Variants in FARS2 observed in about 807,000 individuals in gnomAD.
FARS2 encodes the protein phenylalanine--tRNA ligase, mitochondrial.
Under a neutral mutation model 46.4 loss-of-function variants are expected in FARS2, and 40 were observed. The ratio of observed to expected loss-of-function variants is 0.86; its 90% CI spans 0.67 to 1.12. The LOEUF (loss-of-function observed/expected upper bound fraction) is 1.12, where lower values mean the gene tolerates loss of function less well. Among genes scored for constraint, FARS2 ranks in the 50% most tolerant of loss-of-function variants. The pLI is 0.00. For missense variants in FARS2, 513 were observed against 567.9 expected, an observed-to-expected ratio of 0.90 and a Z score of 0.98; for synonymous variants, 234 against 214.9, an observed-to-expected ratio of 1.09 and a Z score of -0.78.
intron 4 of FARS2, among the ~76,000 whole-genome samples, chr6:5,458,981 C>T (rs895629962): frequency 6.6e-6 from 1 of 152,146 alleles, no homozygotes; most frequent in African/African-American, 2.4e-5. Context: ...AGATGCATTC[C>T]ATTAAAATTA....
At chr6:5,615,481 C>G (rs1026864479) in intron 6 of FARS2, among the ~76,000 whole-genome samples, 6 of 152,186 alleles carry the variant, frequency 3.9e-5, no homozygotes, top group Non-Finnish European at 8.8e-5. Flanking sequence ...CATCTCTTCT[C>G]TGAGTTATTT....
At chr6:5,582,001 T>G (rs1773361523) in intron 5 of FARS2, among the ~76,000 whole-genome samples, 1 of 71,106 alleles carries the variant, frequency 1.4e-5, no homozygotes, top group Non-Finnish European at 3.1e-5. Context: ...GGTTAATTCC[T>G]GATGCGCTTT....
At chr6:5,600,277 G>T (rs1238976240) in intron 5 of FARS2, among the ~76,000 whole-genome samples, 2 of 152,066 alleles carry the variant, frequency 1.3e-5, no homozygotes, top group East Asian at 3.9e-4. Context: ...TACAAATATG[G>T]GAAACATTAC....
chr6:5,767,256 A>G (rs1762801367), intron 6 of FARS2, among the ~76,000 whole-genome samples: 3 of 152,014 alleles, frequency 2.0e-5, no homozygotes, highest in Non-Finnish European at 1.5e-5. Flanking sequence ...GGGTTTCACC[A>G]TGTTGGCCAG....
chr6:5,445,966 G>A lies in FARS2; in HGVS notation c.904+14794G>A, dbSNP rs914994728. 3.9e-5 allele frequency among the ~76,000 whole-genome samples: 6 copies of A among 152,138 alleles called. No homozygotes were observed. In the East Asian group the frequency reaches 7.7e-4, roughly 20 times the overall value. ...TGTAATCCCAGCACTTGGGGAGGCC[G>A]AGGCAGGCAGATCACGAGGTCAGGA... On this transcript the variant is annotated intron_variant, in intron 4 of 6. Coordinates refer to ENST00000274680, the MANE Select transcript of FARS2 (RefSeq NM_006567.5).
chr6:5,380,468 T>G (rs1429816056), intron 2 of FARS2, among the ~76,000 whole-genome samples: 2 of 152,218 alleles, frequency 1.3e-5, no homozygotes, highest in Admixed American at 6.5e-5. Context: ...TGCTAGGAAC[T>G]GCATTTCTCT....
intron 1 of FARS2, among the ~76,000 whole-genome samples, chr6:5,287,035 G>A (rs1339171402): frequency 6.6e-6 from 1 of 152,226 alleles, no homozygotes; most frequent in Non-Finnish European, 1.5e-5. Context: ...ATTGCCCCGT[G>A]GCTTGGCTCT....
At chr6:5,645,443 A>C (rs1261777110) in intron 6 of FARS2, among the ~76,000 whole-genome samples, 1 of 152,222 alleles carries the variant, frequency 6.6e-6, no homozygotes, top group Non-Finnish European at 1.5e-5. Flanking sequence ...GGGATGAGGG[A>C]CGAGTGCCAA....
At position 5,546,529 on chromosome 6, in the gene FARS2, A is replaced by G. The variant is rs2326641; in HGVS notation, c.1065+1189A>G. Among the ~76,000 whole-genome samples the G allele has an allele frequency of 4.6e-5, 7 of 150,996 alleles. No individual in the cohort carries two copies. In the East Asian group the frequency reaches 5.9e-4, roughly 13 times the overall value. Reference sequence around the variant, plus strand: ...CCTCCCGAAGTGCTGGGATTACAGGAGTGAGCCACTGCGCCCAGCCCTCAT... The same window carrying G: ...CCTCCCGAAGTGCTGGGATTACAGGGGTGAGCCACTGCGCCCAGCCCTCAT... On this transcript the variant is annotated intron_variant, in intron 5 of 6. Transcript: ENST00000274680.
intron 4 of FARS2, among the ~76,000 whole-genome samples, chr6:5,467,855 A>G (rs1478847901): frequency 6.6e-6 from 1 of 152,138 alleles, no homozygotes; most frequent in Non-Finnish European, 1.5e-5. Flanking sequence ...ATGATTATAG[A>G]TGCTCATTAC....
In FARS2 at chr6:5,582,680, G is replaced by C. The variant is rs150220132; in HGVS notation, c.1066-30489G>C. ...AACTCTAAGTTTGTGTGTATATACTGATGTAAAACTCTCCATGGCTCCATG... is the reference window on the plus strand; with the variant it reads ...AACTCTAAGTTTGTGTGTATATACTCATGTAAAACTCTCCATGGCTCCATG... On this transcript the variant is annotated intron_variant, in intron 5 of 6. Transcript: ENST00000274680. 7.4e-4 allele frequency among the ~76,000 whole-genome samples: 113 copies of C among 152,328 alleles called. 1 individual carries two copies. The highest frequency in any genetic ancestry group is 2.7e-3 in the African/African-American group (111 of 41,578).
chr6:5,287,513 C>T (rs1050419295), intron 1 of FARS2, among the ~76,000 whole-genome samples: 1 of 152,142 alleles, frequency 6.6e-6, no homozygotes, highest in African/African-American at 2.4e-5. Context: ...TCTCCCGTGT[C>T]CCTGAAATTA....
chr6:5,453,547 T>C (rs561249690), intron 4 of FARS2, among the ~76,000 whole-genome samples: 2 of 152,368 alleles, frequency 1.3e-5, no homozygotes, highest in East Asian at 3.9e-4. Flanking sequence ...CTTTCTGACA[T>C]TCCTTAGTCT....
chr6:5,424,660 A>G (rs1476338317), intron 3 of FARS2, among the ~76,000 whole-genome samples: 1 of 152,192 alleles, frequency 6.6e-6, no homozygotes, highest in Non-Finnish European at 1.5e-5. Context: ...GGTCCAGGAG[A>G]TTGGGGTAAG....
At chr6:5,624,000 C>G (rs1475830813) in intron 6 of FARS2, among the ~76,000 whole-genome samples, 1 of 152,164 alleles carries the variant, frequency 6.6e-6, no homozygotes, top group Non-Finnish European at 1.5e-5. Flanking sequence ...GAAGTTGTGT[C>G]TCCTTGAAAT....
chr6:5,767,259 T>A (rs909429183), intron 6 of FARS2, among the ~76,000 whole-genome samples: 2 of 152,120 alleles, frequency 1.3e-5, no homozygotes, highest in Non-Finnish European at 2.9e-5. Context: ...TTTCACCATG[T>A]TGGCCAGGCT....
intron 1 of FARS2, among the ~76,000 whole-genome samples, chr6:5,367,872 C>T (rs1170709340): frequency 6.6e-6 from 1 of 152,128 alleles, no homozygotes; most frequent in Non-Finnish European, 1.5e-5. Flanking sequence ...TCACTTTGTA[C>T]AATATTTCCT....
intron 5 of FARS2, among the ~76,000 whole-genome samples, chr6:5,558,328 AG>A (rs1263549507): frequency 6.6e-6 from 1 of 152,130 alleles, no homozygotes; most frequent in Non-Finnish European, 1.5e-5. Flanking sequence ...GTTACTTTGT[AG>A]GTAGAGTGTC....
At chr6:5,598,945 A>G (rs1411770260) in intron 5 of FARS2, among the ~76,000 whole-genome samples, 2 of 152,186 alleles carry the variant, frequency 1.3e-5, no homozygotes, top group South Asian at 2.1e-4. Context: ...TTTCCTCTGT[A>G]CACTGGAACA....
Sources: allele counts gnomAD v4.1 joint callset (sites outside exome capture counted in the v4.1 genomes callset), GRCh38; gene constraint gnomAD v4.1.1; transcripts MANE v1.5; gene names NCBI Gene and HGNC (gene_info 2026-07-23, HGNC 2026-07-21).